The following KLHL12 variants were observed in gnomAD, a reference collection of about 807,000 sequenced individuals.
KLHL12 encodes kelch like family member 12, also known as kelch-like protein 12.
KLHL12 carries 17 observed loss-of-function variants against 60.8 expected under a neutral mutation model. That is an observed-to-expected ratio of 0.28 (90% confidence interval 0.19 to 0.42). The LOEUF is 0.42. KLHL12 is among the 10% of genes least tolerant of loss of function. The pLI, the probability that KLHL12 is intolerant of heterozygous loss-of-function variation, is 1.00. For synonymous variants in KLHL12, 220 were observed against 250.9 expected (o/e 0.88, Z 1.16); for missense variants, 468 against 722.3 (o/e 0.65, Z 4.04).
intron 6 of KLHL12, among the ~76,000 whole-genome samples, chr1:202,904,868 C>A (rs1423290173): frequency 6.6e-5 from 10 of 152,204 alleles, no homozygotes; most frequent in African/African-American, 2.4e-4. Flanking sequence ...AAAGTAATTT[C>A]CATTATATCT....
intron 3 of KLHL12, 21 bp from the exon 4 acceptor site, chr1:202,918,409 A>C: frequency 6.3e-7 from 1 of 1,584,592 alleles, no homozygotes; most frequent in African/African-American, 1.3e-5. Flanking sequence ...CACAGGCAGC[A>C]AACACTTTAG....
intron 6 of KLHL12, among the ~76,000 whole-genome samples, chr1:202,904,016 T>G (rs145732400): frequency 6.7e-6 from 1 of 150,008 alleles, no homozygotes; most frequent in South Asian, 2.1e-4. Flanking sequence ...ATCTATCTAT[T>G]TATCTATCTA....
intron 7 of KLHL12, 104 bp downstream of exon 7, chr1:202,896,750 G>A: frequency 1.2e-6 from 1 of 866,028 alleles, no homozygotes; most frequent in Non-Finnish European, 2.0e-6. Context: ...GAAACATCCT[G>A]TTATTAGGCT....
intron 9 of KLHL12, 57 bp downstream of exon 9, chr1:202,894,534 A>T (rs1320236720): frequency 6.4e-7 from 1 of 1,561,796 alleles, no homozygotes; most frequent in Admixed American, 1.7e-5. Flanking sequence ...AGGAATCCTT[A>T]CCCACAGCCC....
chr1:202,896,480 C>G (rs1436653064), intron 7 of KLHL12, among the ~76,000 whole-genome samples: 1 of 152,156 alleles, frequency 6.6e-6, no homozygotes, highest in Non-Finnish European at 1.5e-5. Flanking sequence ...TGTGAGCTAC[C>G]ACGCCCAGCC....
rs1462353800 is a variant in KLHL12 at position 202,893,323 on chromosome 1, G to C, written c.1496C>G (p.Ser499Cys). The C allele has an allele frequency of 1.9e-6, 3 of 1,613,852 alleles. No homozygotes were observed. Among genetic ancestry groups the C allele is most frequent in the African/African-American group, 1.3e-5 (1 of 75,028 alleles). Residue 499 changes from serine to cysteine, a missense_variant, in exon 11 of 12, where the codon TCC becomes TGC. By Grantham distance (112) the Ser-to-Cys change is moderately radical. Coordinates refer to ENST00000367261, the MANE Select transcript of KLHL12 (RefSeq NM_021633.4). This position sits in a 1 kb window ranked among gnomAD's most constrained non-coding sequence, Gnocchi z 4.1. ...GGTCATACTGGTGACAGTTGTCCAG[G>C]AATCAGTGCGAATGTTGTATGCTTC... Reference protein sequence around the residue: ...SVEAYNIRTDSWTTVTSMTTP... With the variant: ...SVEAYNIRTDCWTTVTSMTTP...
chr1:202,925,219 A>G lies in KLHL12; in HGVS notation c.-45-12T>C, dbSNP rs746570202. The stretch of plus-strand genomic sequence containing the variant: ...CTTGGATTCTGCAACTACAAGAGGG[A>G]AAAAAAAACAATGAGCATATTCAAA... On this transcript the variant is annotated splice_polypyrimidine_tract_variant and intron_variant, in intron 1 of 11. Coordinates refer to ENST00000367261, the MANE Select transcript of KLHL12 (RefSeq NM_021633.4). 4 of 1,586,852 alleles carry G rather than the reference A, an allele frequency of 2.5e-6. No homozygotes were observed. Among genetic ancestry groups the G allele is most frequent in the Non-Finnish European group, 3.4e-6 (4 of 1,166,858 alleles).
intron 6 of KLHL12, among the ~76,000 whole-genome samples, chr1:202,898,819 T>C (rs1659918869): frequency 6.6e-6 from 1 of 151,964 alleles, no homozygotes; most frequent in African/African-American, 2.4e-5. Flanking sequence ...TGGATTCTGA[T>C]TTGAACAACA....
rs77248588 is a variant in KLHL12, at chr1:202,895,891, G to A, written c.940-174C>T. Among the ~76,000 whole-genome samples, 207 of 151,664 alleles carry A rather than the reference G, an allele frequency of 1.4e-3. 1 individual carries two copies. The highest frequency in any genetic ancestry group is 4.0e-3 in the African/African-American group (163 of 40,986). On this transcript the variant is annotated intron_variant, in intron 7 of 11. Coordinates refer to ENST00000367261, the MANE Select transcript of KLHL12 (RefSeq NM_021633.4). This position sits in a 1 kb window ranked among gnomAD's most constrained non-coding sequence, Gnocchi z 4.2. Reference sequence around the variant, plus strand: ...GCTCCCAAATAGCTACCTACTGAACGAAATGCCTGTTGTGGTGCTCTTAAA... The same window carrying A: ...GCTCCCAAATAGCTACCTACTGAACAAAATGCCTGTTGTGGTGCTCTTAAA...
chr1:202,925,226 A>C lies in KLHL12; in HGVS notation c.-45-19T>G, dbSNP rs776292447. On this transcript the variant is annotated intron_variant, in intron 1 of 11. Coordinates refer to ENST00000367261, the MANE Select transcript of KLHL12 (RefSeq NM_021633.4). The stretch of plus-strand genomic sequence containing the variant: ...TCTGCAACTACAAGAGGGAAAAAAA[A>C]ACAATGAGCATATTCAAAGAACTAG... The C allele has an allele frequency of 6.2e-7, 1 of 1,601,290 alleles. No individual in the cohort carries two copies. Among genetic ancestry groups the C allele is most frequent in the South Asian group, 1.1e-5 (1 of 88,686 alleles).
chr1:202,902,302 T>C (rs560048666), intron 6 of KLHL12, among the ~76,000 whole-genome samples: 10 of 151,870 alleles, frequency 6.6e-5, no homozygotes, highest in Non-Finnish European at 1.3e-4. Context: ...TGGTAGCACA[T>C]GCCTGTAATC....
chr1:202,915,949 A>G (rs1264020032), intron 4 of KLHL12, among the ~76,000 whole-genome samples: 3 of 152,262 alleles, frequency 2.0e-5, no homozygotes, highest in Admixed American at 2.0e-4. Flanking sequence ...GTGAACCAAC[A>G]GTAAATGCTG....
Position 202,911,113 on chromosome 1 carries a change from G to C in KLHL12, c.658C>G (p.Gln220Glu). 2 of 1,614,080 alleles carry C rather than the reference G, an allele frequency of 1.2e-6. No homozygotes were observed. Among genetic ancestry groups the C allele is most frequent in the Non-Finnish European group, 1.7e-6 (2 of 1,179,988 alleles). The change falls in exon 5 of 12, where the codon CAG becomes GAG. Residue 220 changes from glutamine (Q) to glutamate (E), a missense_variant. Coordinates refer to ENST00000367261, the MANE Select transcript of KLHL12 (RefSeq NM_021633.4). The stretch of plus-strand genomic sequence containing the variant: ...GTTAGTAGGGGCATCCGCACATACT[G>C]TAGCAGGTTAGGCAAGGATTCTTCC... Reference protein sequence around the residue: ...EREESLPNLLQYVRMPLLTPR... With the variant: ...EREESLPNLLEYVRMPLLTPR...
chr1:202,894,768 T>C lies in KLHL12; in HGVS notation c.1136-19A>G, dbSNP rs753172357. The C allele has an allele frequency of 8.7e-6, 14 of 1,601,808 alleles. No homozygotes were observed. Among genetic ancestry groups the C allele is most frequent in the Non-Finnish European group, 1.1e-5 (13 of 1,169,086 alleles). On this transcript the variant is annotated intron_variant, in intron 8 of 11. Coordinates refer to ENST00000367261, the MANE Select transcript of KLHL12 (RefSeq NM_021633.4). Reference sequence around the variant, plus strand: ...ATCATATCTGCTCAGAATAAACAAATTACAGACTATTAGAGAATGAGAGAT... The same window carrying C: ...ATCATATCTGCTCAGAATAAACAAACTACAGACTATTAGAGAATGAGAGAT...
chr1:202,892,805 A>G, intron 11 of KLHL12, 146 bp from the exon 12 acceptor site: 1 of 694,558 alleles, frequency 1.4e-6, no homozygotes. Context: ...ACATGGTGAG[A>G]CCCTGTCTCA....
intron 6 of KLHL12, among the ~76,000 whole-genome samples, chr1:202,908,572 C>T (rs931039918): frequency 6.6e-6 from 1 of 152,168 alleles, no homozygotes; most frequent in Non-Finnish European, 1.5e-5. Flanking sequence ...AACCCATGTA[C>T]TTTCTACCAC....
intron 6 of KLHL12, among the ~76,000 whole-genome samples, chr1:202,907,936 A>G (rs1025605224): frequency 6.6e-6 from 1 of 152,004 alleles, no homozygotes; most frequent in Non-Finnish European, 1.5e-5. Context: ...ATAGCGGATA[A>G]ATCACCATTC....
At chr1:202,926,170 A>T (rs1460363103) in intron 1 of KLHL12, among the ~76,000 whole-genome samples, 1 of 152,056 alleles carries the variant, frequency 6.6e-6, no homozygotes, top group Non-Finnish European at 1.5e-5. Context: ...AATGGAAACC[A>T]CGCAAGTTAT....
chr1:202,896,832 G>A lies in KLHL12; in HGVS notation c.939+22C>T, dbSNP rs200154578. On this transcript the variant is annotated intron_variant, in intron 7 of 11. Coordinates refer to ENST00000367261, the MANE Select transcript of KLHL12 (RefSeq NM_021633.4). ...GAGGACATTTAACATCCCTCCCAAC[G>A]AATGGTTTCACCATTATTTACTGGC... is the stretch of plus-strand genomic sequence containing the variant. 3.6e-5 allele frequency: 55 copies of A among 1,534,994 alleles called. No homozygotes were observed. The East Asian group carries it at 1.1e-3, about 31-fold the overall frequency.
Sources: allele counts gnomAD v4.1 joint callset (sites outside exome capture counted in the v4.1 genomes callset), GRCh38; gene constraint gnomAD v4.1.1; non-coding constraint Gnocchi (gnomAD v3.1); transcripts MANE v1.5; gene names NCBI Gene and HGNC (gene_info 2026-07-23, HGNC 2026-07-21).